Variants in ZNF362 observed in about 807,000 individuals in gnomAD.
The protein encoded by ZNF362 is rotund homolog.
Under a neutral mutation model 42.9 loss-of-function variants are expected in ZNF362, and 11 were observed. The observed-to-expected ratio is 0.26, with a 90% CI of 0.16 to 0.42. The LOEUF is 0.42. ZNF362 is among the 20% of genes least tolerant of loss of function. The probability of loss-of-function intolerance (pLI) is 1.00; values close to 1 mark genes in which losing one functional copy is unlikely to be tolerated. For synonymous variants in ZNF362, 255 were observed against 257.3 expected (o/e 0.99, Z 0.09); for missense variants, 362 against 576.2 (o/e 0.63, Z 3.81).
At chr1:33,152,614 C>G in the ZNF362 span, among the ~76,000 whole-genome samples, 3 of 150,990 alleles carry the variant, frequency 2.0e-5, no homozygotes, top group Non-Finnish European at 4.4e-5. Flanking sequence ...TCTGTCGATT[C>G]ATGATGATAA....
chr1:33,278,437 C>T (rs1344707148), intron 4 of ZNF362, among the ~76,000 whole-genome samples: 4 of 152,142 alleles, frequency 2.6e-5, no homozygotes, highest in African/African-American at 9.7e-5. Flanking sequence ...TAGCCTTAAT[C>T]CTACTATTGT....
At chr1:33,160,597 G>A in the ZNF362 span, among the ~76,000 whole-genome samples, 2,875 of 152,070 alleles carry the variant, frequency 0.019, 89 homozygotes, top group African/African-American at 0.065. Context: ...TAGAGATGGG[G>A]TTTCACCATG....
chr1:33,269,460 T>C (rs1415280653), intron 1 of ZNF362, among the ~76,000 whole-genome samples: 12 of 152,290 alleles, frequency 7.9e-5, no homozygotes, highest in East Asian at 7.7e-4. Flanking sequence ...GTAATCATAG[T>C]GTCCGGATAG....
At chr1:33,258,089 T>TCACC (rs1645806030) in intron 1 of ZNF362, among the ~76,000 whole-genome samples, 3 of 152,216 alleles carry the variant, frequency 2.0e-5, no homozygotes, top group Admixed American at 6.5e-5. Flanking sequence ...TCTGGTTTGC[T>TCACC]AGACCTCCTC....
At chr1:33,188,835 A>C in the ZNF362 span, among the ~76,000 whole-genome samples, 2 of 152,114 alleles carry the variant, frequency 1.3e-5, no homozygotes, top group Non-Finnish European at 2.9e-5. Flanking sequence ...TATCTAACTG[A>C]TTGTTCAGCA....
chr1:33,296,592 A>T (rs1256006020), intron 8 of ZNF362, among the ~76,000 whole-genome samples: 2 of 152,160 alleles, frequency 1.3e-5, no homozygotes, highest in African/African-American at 4.8e-5. Flanking sequence ...CACCTGGAGG[A>T]GCAACACTTA....
chr1:33,220,524 C>A, the ZNF362 span, among the ~76,000 whole-genome samples: 4 of 152,060 alleles, frequency 2.6e-5, no homozygotes, highest in East Asian at 3.9e-4. Flanking sequence ...AACCCACCCC[C>A]CTACAGTCAT....
chr1:33,276,971 C>T (rs1234624807), intron 4 of ZNF362, among the ~76,000 whole-genome samples: 9 of 152,182 alleles, frequency 5.9e-5, no homozygotes, highest in South Asian at 2.1e-4. Flanking sequence ...AGCCAAAAGG[C>T]GAGGAAAGGT....
the ZNF362 span, among the ~76,000 whole-genome samples, chr1:33,208,843 A>C: frequency 6.6e-6 from 1 of 152,294 alleles, no homozygotes; most frequent in South Asian, 2.1e-4. Context: ...GGGGTTTTCT[A>C]AATATACAAT....
chr1:33,248,827 G>C, the ZNF362 span, among the ~76,000 whole-genome samples: 1 of 152,164 alleles, frequency 6.6e-6, no homozygotes, highest in Admixed American at 6.5e-5. Flanking sequence ...GGCTAGCTCT[G>C]CTCTTCAGAG....
At chr1:33,238,196 G>A in the ZNF362 span, among the ~76,000 whole-genome samples, 6 of 151,926 alleles carry the variant, frequency 3.9e-5, no homozygotes, top group East Asian at 1.2e-3. Context: ...GCAGGCACCT[G>A]TAATCCCAGC....
At chr1:33,221,726 G>A in the ZNF362 span, among the ~76,000 whole-genome samples, 1 of 152,200 alleles carries the variant, frequency 6.6e-6, no homozygotes, top group Non-Finnish European at 1.5e-5. Flanking sequence ...CACTAAGCTG[G>A]TGTTTCAGAG....
chr1:33,241,017 C>T, the ZNF362 span, among the ~76,000 whole-genome samples: 2 of 152,072 alleles, frequency 1.3e-5, no homozygotes, highest in African/African-American at 2.4e-5. Flanking sequence ...TGAACCCCAA[C>T]CTTTGAAGTG....
chr1:33,238,373 A>AAAT, the ZNF362 span, among the ~76,000 whole-genome samples: 18 of 107,380 alleles, frequency 1.7e-4, no homozygotes, highest in South Asian at 1.0e-3. Flanking sequence ...TAATAAAATA[A>AAAT]AATAAAATAA....
the ZNF362 span, chr1:33,163,855 G>A: frequency 6.6e-6 from 1 of 152,468 alleles, no homozygotes; most frequent in Non-Finnish European, 1.5e-5. Flanking sequence ...CCCCAGTCCA[G>A]ACAGGAAGTG....
chr1:33,177,132 C>T, the ZNF362 span, among the ~76,000 whole-genome samples: 2 of 151,814 alleles, frequency 1.3e-5, no homozygotes, highest in Non-Finnish European at 2.9e-5. The surrounding 1 kb of genome is among the most constrained non-coding windows in gnomAD (Gnocchi z 4.1). Context: ...CGCATGCACA[C>T]ACACGCACAT....
At chr1:33,285,075 A>G (rs1371188073) in intron 6 of ZNF362, among the ~76,000 whole-genome samples, 1 of 152,240 alleles carries the variant, frequency 6.6e-6, no homozygotes, top group African/African-American at 2.4e-5. Flanking sequence ...AATGGAGGAC[A>G]ATGGAGTCCT....
chr1:33,240,552 A>C, the ZNF362 span, among the ~76,000 whole-genome samples: 1 of 152,156 alleles, frequency 6.6e-6, no homozygotes. Context: ...TCTTTTCGTA[A>C]ATGTTAGGTT....
the ZNF362 span, among the ~76,000 whole-genome samples, chr1:33,249,104 T>C: frequency 6.6e-6 from 1 of 152,236 alleles, no homozygotes; most frequent in Non-Finnish European, 1.5e-5. Context: ...GGTAGGTCCA[T>C]GGAGCTATGA....
Sources: gnomAD v4.1 joint callset for allele counts (sites outside exome capture counted in the v4.1 genomes callset) on GRCh38, gnomAD v4.1.1 for gene constraint, Gnocchi (gnomAD v3.1) non-coding constraint, MANE v1.5 for transcripts, NCBI Gene and HGNC (gene_info 2026-07-23, HGNC 2026-07-21) for gene names.